The following PLEKHG7 variants were observed in gnomAD, a reference collection of about 807,000 sequenced individuals.
PLEKHG7 encodes the protein pleckstrin homology and RhoGEF domain containing G7, also known as pleckstrin homology domain-containing family G member 7.
PLEKHG7 carries 77 observed loss-of-function variants against 85.2 expected under a neutral mutation model. The ratio of observed to expected loss-of-function variants is 0.90; its 90% CI spans 0.75 to 1.09. PLEKHG7 has a LOEUF of 1.09. Ranked by LOEUF, PLEKHG7 falls within the 50% of genes least tolerant of loss-of-function variation. PLEKHG7 has a pLI of 0.00. For synonymous variants in PLEKHG7, 301 were observed against 302.4 expected (o/e 1.00, Z 0.05); for missense variants, 777 against 804.3 (o/e 0.97, Z 0.41).
chr12:92,716,239 G>A (rs1412815939), intron 3 of PLEKHG7, among the ~76,000 whole-genome samples: 2 of 152,102 alleles, frequency 1.3e-5, no homozygotes, highest in Non-Finnish European at 2.9e-5. Context: ...TGGGATTACA[G>A]GTGTGCACCA....
At chr12:92,717,971 A>G (rs1871534257) in intron 3 of PLEKHG7, among the ~76,000 whole-genome samples, 1 of 152,212 alleles carries the variant, frequency 6.6e-6, no homozygotes, top group Non-Finnish European at 1.5e-5. Flanking sequence ...CCCACATGTA[A>G]GTCATTGACT....
At chr12:92,751,265 G>A (rs1872683431) in intron 10 of PLEKHG7, among the ~76,000 whole-genome samples, 1 of 152,184 alleles carries the variant, frequency 6.6e-6, no homozygotes, top group African/African-American at 2.4e-5. Context: ...AGAAATCGGA[G>A]GTCCAGAGAG....
intron 4 of PLEKHG7, among the ~76,000 whole-genome samples, chr12:92,730,379 G>A (rs1871947606): frequency 6.6e-6 from 1 of 152,210 alleles, no homozygotes; most frequent in Non-Finnish European, 1.5e-5. Context: ...GGTTCTCAAA[G>A]GCTGTCCCGA....
chr12:92,741,799 G>T (rs1872365291), intron 9 of PLEKHG7, among the ~76,000 whole-genome samples: 3 of 152,176 alleles, frequency 2.0e-5, no homozygotes, highest in Non-Finnish European at 4.4e-5. Flanking sequence ...TCCTGTGTGG[G>T]TTTTATTAAC....
chr12:92,746,271 T>C (rs550078929), intron 10 of PLEKHG7, among the ~76,000 whole-genome samples: 1 of 152,326 alleles, frequency 6.6e-6, no homozygotes. Flanking sequence ...GGTCCAAGCC[T>C]TTCCAGAAAA....
intron 14 of PLEKHG7, among the ~76,000 whole-genome samples, chr12:92,763,137 G>A (rs756544899): frequency 2.0e-5 from 3 of 152,036 alleles, no homozygotes; most frequent in African/African-American, 4.8e-5. Flanking sequence ...CTGATATTCC[G>A]GTTTTATGCA....
intron 13 of PLEKHG7, among the ~76,000 whole-genome samples, chr12:92,760,745 A>G (rs535767034): frequency 6.6e-6 from 1 of 151,966 alleles, no homozygotes; most frequent in East Asian, 1.9e-4. Flanking sequence ...AGGGAAAACT[A>G]AAGAAAAGCT....
intron 3 of PLEKHG7, among the ~76,000 whole-genome samples, chr12:92,720,301 G>T (rs913100429): frequency 6.6e-6 from 1 of 150,418 alleles, no homozygotes; most frequent in Admixed American, 6.7e-5. Context: ...TTCTCTCTTC[G>T]CTGTGTCTCT....
chr12:92,704,859 T>A (rs944988335), intron 1 of PLEKHG7, among the ~76,000 whole-genome samples: 1 of 152,232 alleles, frequency 6.6e-6, no homozygotes, highest in Non-Finnish European at 1.5e-5. Context: ...ATTACAGGCA[T>A]GAGCCTCTGT....
chr12:92,740,906 G>A lies in PLEKHG7; in HGVS notation c.993G>A (p.Val331=), dbSNP rs1872336669. ...AAACTCATGAATATCTCCTAGATGT[G>A]GATTTATGGAGACTTTTTGCAAACC... ...YLQTHEYLLD[V]DLWRLFANLE... The change falls in exon 8 of 17, where the codon GTG becomes GTA. Residue 331 remains valine (V), a synonymous_variant. Transcript: ENST00000344636. The A allele has an allele frequency of 6.2e-7, 1 of 1,612,108 alleles. No homozygotes were observed. The highest frequency in any genetic ancestry group is 8.5e-7 in the Non-Finnish European group (1 of 1,178,894).
intron 15 of PLEKHG7, among the ~76,000 whole-genome samples, chr12:92,765,888 T>C (rs1873182037): frequency 6.6e-6 from 1 of 152,226 alleles, no homozygotes; most frequent in Non-Finnish European, 1.5e-5. Flanking sequence ...GGGAAGCCTG[T>C]ATCCAGAAAG....
At chr12:92,739,229 T>C (rs954937501) in intron 7 of PLEKHG7, among the ~76,000 whole-genome samples, 9 of 152,306 alleles carry the variant, frequency 5.9e-5, no homozygotes, top group Middle Eastern at 6.8e-3. Flanking sequence ...TTTATTCTGA[T>C]TGGACTGGCT....
Position 92,729,126 on chromosome 12 carries a change from G to C in PLEKHG7, c.658+6G>C. 2 of 1,231,612 alleles carry C rather than the reference G, an allele frequency of 1.6e-6. No individual in the cohort carries two copies. Among genetic ancestry groups the C allele is most frequent in the Non-Finnish European group, 2.0e-6 (2 of 987,692 alleles). 76.3% of individuals were successfully genotyped at this position (1,231,612 alleles called of 1,614,324 possible). A position where few individuals can be genotyped will look rare whatever the true frequency, so the allele number is the denominator to read the frequency against. ...ACTTCTGCTGCTGAATTCAGGTTCT[G>C]TTCATTCAGTATACTTTCATTCCAT... On this transcript the variant is annotated splice_donor_region_variant and intron_variant, in intron 4 of 16. Transcript: ENST00000344636.
rs369757971 is a variant in PLEKHG7 at position 92,707,026 on chromosome 12, A to G, written c.395A>G (p.Tyr132Cys). 1.6e-4 allele frequency: 264 copies of G among 1,613,972 alleles called. No individual in the cohort carries two copies. The highest frequency in any genetic ancestry group is 2.2e-4 in the Non-Finnish European group (258 of 1,180,032). ...LEPQTRPTDK[Y>C]LPPELQPVNE... ...CCCCAAACCCGGCCCACTGACAAGTATCTCCCTCCTGAGCTTCAGCCTGTC... is the reference window on the plus strand; with the variant it reads ...CCCCAAACCCGGCCCACTGACAAGTGTCTCCCTCCTGAGCTTCAGCCTGTC... Residue 132 changes from tyrosine (Y) to cysteine (C), a missense_variant, in exon 2 of 17, where the codon TAT (tyrosine) becomes TGT (cysteine). Physicochemically the swap from Tyr to Cys is radical, Grantham distance 194. Transcript: ENST00000344636.
At chr12:92,767,187 C>A (rs1159078209) in intron 15 of PLEKHG7, among the ~76,000 whole-genome samples, 1 of 152,112 alleles carries the variant, frequency 6.6e-6, no homozygotes, top group East Asian at 1.9e-4. Context: ...ATAGAAAATG[C>A]TTTTAAAATT....
At position 92,755,943 on chromosome 12, in the gene PLEKHG7, A is replaced by G; in HGVS notation, c.1542+3A>G. 6.3e-7 allele frequency: 1 copy of G among 1,581,968 alleles called. No homozygotes were observed. Among genetic ancestry groups the G allele is most frequent in the Admixed American group, 1.8e-5 (1 of 54,716 alleles). On this transcript the variant is annotated splice_donor_region_variant and intron_variant, in intron 12 of 16. Transcript: ENST00000344636. ...ATAAAAGGTTTTTCATTCCAGAGGT[A>G]CAAAAAAAAAATCAATTAGGACTTA...
rs140623236 is a variant in PLEKHG7, at chr12:92,766,147, G to C, written c.1870+1953G>C. ...TCTTACCTGCCCAAGGGATGGCAGA[G>C]GAATGTAGATAAAACAAAGCCTCAG... On this transcript the variant is annotated intron_variant, in intron 15 of 16. Coordinates refer to ENST00000344636, the MANE Select transcript of PLEKHG7 (RefSeq NM_001377329.1). 7.7e-3 allele frequency among the ~76,000 whole-genome samples: 1,173 copies of C among 152,300 alleles called. 22 individuals carry two copies. Among genetic ancestry groups the C allele is most frequent in the African/African-American group, 0.026 (1,071 of 41,544 alleles).
intron 12 of PLEKHG7, 93 bp downstream of exon 12, chr12:92,756,033 C>A: frequency 1.2e-6 from 1 of 859,106 alleles, no homozygotes; most frequent in Non-Finnish European, 1.9e-6. Flanking sequence ...CCCATCTGTC[C>A]ACTTGAAGAA....
At chr12:92,728,067 C>T (rs1247516956) in intron 3 of PLEKHG7, among the ~76,000 whole-genome samples, 3 of 30,608 alleles carry the variant, frequency 9.8e-5, no homozygotes, top group African/African-American at 3.0e-4. Context: ...TATATACACA[C>T]CACATTCCAT....
Sources: allele counts gnomAD v4.1 joint callset (sites outside exome capture counted in the v4.1 genomes callset), GRCh38; gene constraint gnomAD v4.1.1; transcripts MANE v1.5; gene names NCBI Gene and HGNC (gene_info 2026-07-23, HGNC 2026-07-21).